The following HMCN1 variants were observed in gnomAD, a reference collection of about 807,000 sequenced individuals.
The protein encoded by HMCN1 is hemicentin 1, also known as hemicentin-1.
In HMCN1, 321 loss-of-function variants were observed where a neutral mutation model predicts 625.9. The ratio of observed to expected loss-of-function variants is 0.51; its 90% CI spans 0.47 to 0.56. The LOEUF (loss-of-function observed/expected upper bound fraction) is 0.56, where lower values mean the gene tolerates loss of function less well. HMCN1 is among the 20% of genes least tolerant of loss of function. The probability of loss-of-function intolerance (pLI) is 0.00; values close to 1 mark genes in which losing one functional copy is unlikely to be tolerated. For missense variants in HMCN1, 6,588 were observed against 6,887.3 expected (o/e 0.96, Z 1.54); for synonymous variants, 2,425 against 2,417.6 (o/e 1.00, Z -0.09).
Position 186,041,028 on chromosome 1 carries a change from C to G in HMCN1, c.6196C>G (p.Arg2066Gly). ...CCATTGATAGGTTCTCTCTGGTGGT[C>G]GAATCCTAGCATTGACCAGTGCACA... ...SNGLQVLSGG[R>G]ILALTSAQIS... is the part of the protein sequence containing the mutation. The change falls in exon 40 of 107, where the codon CGA (arginine) becomes GGA (glycine). Residue 2066 changes from arginine (R) to glycine (G), a missense_variant. Physicochemically the swap from Arg to Gly is moderately radical, Grantham distance 125 (BLOSUM62 -2). Coordinates refer to ENST00000271588, the MANE Select transcript of HMCN1 (RefSeq NM_031935.3). 1 of 1,612,670 alleles carries G rather than the reference C, an allele frequency of 6.2e-7. No individual in the cohort carries two copies. The highest frequency in any genetic ancestry group is 1.1e-5 in the South Asian group (1 of 90,992).
chr1:186,060,617 AAAG>A (rs1657625672), intron 46 of HMCN1, among the ~76,000 whole-genome samples: 1 of 152,190 alleles, frequency 6.6e-6, no homozygotes, highest in African/African-American at 2.4e-5. Context: ...CAAAATACAA[AAAG>A]AAGCAAAAGC....
intron 99 of HMCN1, among the ~76,000 whole-genome samples, 154 bp from the exon 100 acceptor site, chr1:186,166,654 C>G (rs530962893): frequency 6.6e-6 from 1 of 152,334 alleles, no homozygotes; most frequent in South Asian, 2.1e-4. Flanking sequence ...AGCTATTTAG[C>G]CCACCTGATG....
At chr1:185,881,548 A>G (rs1252826879) in intron 4 of HMCN1, among the ~76,000 whole-genome samples, 1 of 152,174 alleles carries the variant, frequency 6.6e-6, no homozygotes, top group East Asian at 1.9e-4. Context: ...GGAAAGGACA[A>G]CATTCCAGTG....
intron 1 of HMCN1, among the ~76,000 whole-genome samples, chr1:185,783,427 T>C (rs1657294974): frequency 6.6e-6 from 1 of 152,158 alleles, no homozygotes; most frequent in South Asian, 2.1e-4. Context: ...GTGCTCTGAT[T>C]TTTAGAATTT....
At chr1:185,849,636 A>C (rs578031281) in intron 2 of HMCN1, among the ~76,000 whole-genome samples, 19 of 152,352 alleles carry the variant, frequency 1.2e-4, no homozygotes, top group African/African-American at 4.3e-4. Context: ...AGTAATGAGC[A>C]TAATTGAGGC....
At chr1:186,187,846 C>T (rs747486124) in intron 105 of HMCN1, 37 bp from the exon 106 acceptor site, 1 of 1,613,180 alleles carries the variant, frequency 6.2e-7, no homozygotes, top group Non-Finnish European at 8.5e-7. Flanking sequence ...CTCTCACCCT[C>T]ACTGCTGATG....
chr1:185,783,410 G>A (rs1488032192), intron 1 of HMCN1, among the ~76,000 whole-genome samples: 7 of 152,120 alleles, frequency 4.6e-5, no homozygotes, highest in African/African-American at 1.7e-4. Context: ...TCTTTGGAGG[G>A]GGAGAGGTGC....
intron 1 of HMCN1, among the ~76,000 whole-genome samples, chr1:185,775,428 A>T (rs949620325): frequency 6.6e-6 from 1 of 152,174 alleles, no homozygotes; most frequent in Non-Finnish European, 1.5e-5. Flanking sequence ...AAAGAAAAAA[A>T]TGGAATGAGT....
intron 1 of HMCN1, among the ~76,000 whole-genome samples, chr1:185,795,645 G>A (rs1189590930): frequency 1.3e-5 from 2 of 152,212 alleles, no homozygotes; most frequent in Non-Finnish European, 1.5e-5. Context: ...AGATCATGAA[G>A]AGGAGCACGT....
chr1:185,764,745 G>T (rs761090967), intron 1 of HMCN1, among the ~76,000 whole-genome samples: 2 of 152,096 alleles, frequency 1.3e-5, no homozygotes. Flanking sequence ...TGAAATGAGA[G>T]CTCAAGAGTA....
At chr1:186,082,802 A>G (rs1571324670) in intron 56 of HMCN1, 63 bp from the exon 57 acceptor site, 2 of 844,004 alleles carry the variant, frequency 2.4e-6, no homozygotes, top group East Asian at 2.9e-5. Flanking sequence ...TCTAAAAAAT[A>G]GACAAATATG....
chr1:186,181,300 GA>G (rs1486672848), intron 104 of HMCN1, among the ~76,000 whole-genome samples: 1 of 152,100 alleles, frequency 6.6e-6, no homozygotes, highest in African/African-American at 2.4e-5. Flanking sequence ...ACACCACTGG[GA>G]CAAGAAATCT....
chr1:186,076,357 G>T (rs1658812118), intron 53 of HMCN1, 71 bp from the exon 54 acceptor site: 9 of 1,387,034 alleles, frequency 6.5e-6, no homozygotes, highest in African/African-American at 1.4e-5. Context: ...AAATCACTCT[G>T]GTGAAAACAC....
At chr1:186,010,449 C>T (rs1328163591) in intron 30 of HMCN1, among the ~76,000 whole-genome samples, 1 of 152,102 alleles carries the variant, frequency 6.6e-6, no homozygotes, top group Non-Finnish European at 1.5e-5. Context: ...TAATTTTTCT[C>T]ATTTTCGTAA....
intron 1 of HMCN1, among the ~76,000 whole-genome samples, chr1:185,764,853 TA>T: frequency 6.6e-6 from 1 of 152,326 alleles, no homozygotes; most frequent in South Asian, 2.1e-4. Context: ...CAACATGTAA[TA>T]TTTTTTAAAC....
chr1:186,138,369 G>A (rs143370998), intron 89 of HMCN1, among the ~76,000 whole-genome samples: 5 of 152,250 alleles, frequency 3.3e-5, no homozygotes, highest in South Asian at 2.1e-4. Flanking sequence ...AATACGAATC[G>A]CTGTCATTCA....
rs1284365077 is a variant in HMCN1, at chr1:185,923,414, A to G, written c.1046A>G (p.Asn349Ser). Residue 349 changes from asparagine (N) to serine (S), a missense_variant, in exon 8 of 107, where the codon AAT (asparagine) becomes AGT (serine). By Grantham distance (46) the Asn-to-Ser change is conservative (BLOSUM62 1). Around this residue, in one of 3 missense-constraint regions of HMCN1, gnomAD observed 4,628 missense variants for 4,853.1 expected, o/e 0.95. Coordinates refer to ENST00000271588, the MANE Select transcript of HMCN1 (RefSeq NM_031935.3). ...GGAATACCTACCTATGTACTGCTCA[A>G]TACTTCTGGAATTTCCACTCCAGCT... ...VQGIPTYVLL[N>S]TSGISTPARI... 1 of 1,611,014 alleles carries G rather than the reference A, an allele frequency of 6.2e-7. No individual in the cohort carries two copies. Among genetic ancestry groups the G allele is most frequent in the Non-Finnish European group, 8.5e-7 (1 of 1,177,812 alleles).
intron 35 of HMCN1, among the ~76,000 whole-genome samples, chr1:186,020,158 C>T (rs2102153523): frequency 6.6e-6 from 1 of 151,834 alleles, no homozygotes; most frequent in East Asian, 1.9e-4. Flanking sequence ...GAAAAGTTCA[C>T]TTTTTTATCG....
At chr1:186,045,305 A>G (rs1656488248) in intron 40 of HMCN1, among the ~76,000 whole-genome samples, 2 of 152,154 alleles carry the variant, frequency 1.3e-5, no homozygotes, top group South Asian at 4.1e-4. Flanking sequence ...TTTCTTTTGC[A>G]AAAATTACAA....
Sources: allele counts gnomAD v4.1 joint callset (sites outside exome capture counted in the v4.1 genomes callset), GRCh38; gene constraint gnomAD v4.1.1; regional missense constraint gnomAD v4.1.1; transcripts MANE v1.5; gene names NCBI Gene and HGNC (gene_info 2026-07-23, HGNC 2026-07-21).